The following FGGY variants were observed in gnomAD, a reference collection of about 807,000 sequenced individuals.
FGGY encodes the protein FGGY carbohydrate kinase domain-containing protein.
FGGY carries 72 observed loss-of-function variants against 71.3 expected under a neutral mutation model. The observed-to-expected ratio is 1.01, with a 90% CI of 0.84 to 1.23. FGGY has a LOEUF of 1.23. FGGY is among the 50% of genes most tolerant of loss of function. The pLI is 0.00. For synonymous variants in FGGY, 251 were observed against 250.3 expected (o/e 1.00, Z -0.02); for missense variants, 668 against 682.3 (o/e 0.98, Z 0.23).
At chr1:59,463,766 G>A (rs1437427470) in intron 6 of FGGY, among the ~76,000 whole-genome samples, 1 of 151,528 alleles carries the variant, frequency 6.6e-6, no homozygotes, top group Non-Finnish European at 1.5e-5. Context: ...AAGAGACAAA[G>A]AAGGCCATTA....
chr1:59,428,341 G>T (rs1452686978), intron 5 of FGGY, among the ~76,000 whole-genome samples: 2 of 152,152 alleles, frequency 1.3e-5, no homozygotes, highest in Admixed American at 6.5e-5. Flanking sequence ...TAAATGACTT[G>T]CCAAGGTCAC....
chr1:59,492,132 A>G (rs981035375), intron 6 of FGGY, among the ~76,000 whole-genome samples: 4 of 152,076 alleles, frequency 2.6e-5, no homozygotes, highest in Admixed American at 2.0e-4. Context: ...TCATTTATTT[A>G]TGTACTTATT....
At chr1:59,501,811 G>T (rs1192861032) in intron 6 of FGGY, among the ~76,000 whole-genome samples, 4 of 152,106 alleles carry the variant, frequency 2.6e-5, no homozygotes, top group Non-Finnish European at 4.4e-5. Context: ...TCTGCAGTTT[G>T]CTCTCATGAC....
chr1:59,750,772 A>G (rs372713841), intron 14 of FGGY, among the ~76,000 whole-genome samples: 11 of 152,222 alleles, frequency 7.2e-5, no homozygotes, highest in African/African-American at 2.6e-4. Flanking sequence ...ACATTGATAT[A>G]TTTTCTGTTT....
chr1:59,759,385 C>T (rs1250638433), intron 15 of FGGY, among the ~76,000 whole-genome samples: 7 of 152,172 alleles, frequency 4.6e-5, no homozygotes, highest in Non-Finnish European at 5.9e-5. Context: ...TCTGAGTTCC[C>T]ACTGGCAGTA....
intron 11 of FGGY, among the ~76,000 whole-genome samples, chr1:59,644,888 A>G (rs1199549054): frequency 1.3e-5 from 2 of 151,876 alleles, no homozygotes; most frequent in African/African-American, 4.8e-5. Context: ...GAGGCAGGAG[A>G]GTCGCTTGAA....
intron 14 of FGGY, among the ~76,000 whole-genome samples, chr1:59,697,020 C>T (rs1256001791): frequency 2.6e-5 from 4 of 151,962 alleles, no homozygotes; most frequent in South Asian, 4.2e-4. Context: ...TCCAGATGTA[C>T]TGCTTTCCAG....
intron 12 of FGGY, among the ~76,000 whole-genome samples, chr1:59,663,845 T>C (rs1407384087): frequency 1.3e-5 from 2 of 152,078 alleles, no homozygotes; most frequent in African/African-American, 2.4e-5. Flanking sequence ...GAAAAAAAAA[T>C]GTTGTTTCAT....
chr1:59,564,260 A>T (rs2095841169), intron 8 of FGGY, among the ~76,000 whole-genome samples: 1 of 152,218 alleles, frequency 6.6e-6, no homozygotes, highest in Admixed American at 6.5e-5. Flanking sequence ...GGCAACCTAC[A>T]AATTGGGAGA....
chr1:59,321,453 T>C, intron 1 of FGGY, 83 bp from the exon 2 acceptor site: 1 of 1,303,432 alleles, frequency 7.7e-7, no homozygotes. Flanking sequence ...GGTACCTCTT[T>C]TATTTCTACT....
At chr1:59,657,004 A>G (rs1425742201) in intron 11 of FGGY, among the ~76,000 whole-genome samples, 1 of 152,154 alleles carries the variant, frequency 6.6e-6, no homozygotes, top group Non-Finnish European at 1.5e-5. Context: ...AGGGTCCGTG[A>G]TATCTTTTTG....
At chr1:59,730,833 G>A (rs2098018019) in intron 14 of FGGY, among the ~76,000 whole-genome samples, 1 of 152,198 alleles carries the variant, frequency 6.6e-6, no homozygotes. Context: ...GTATAGTGGA[G>A]AGGGACCCAG....
chr1:59,736,846 C>A lies in FGGY; in HGVS notation c.1513-21085C>A, dbSNP rs1450976806. The stretch of plus-strand genomic sequence containing the variant: ...AAGTAACAAGGAGCCGAACGTTAAT[C>A]CCCAAGACAATGGGGAAAATGTCTC... On this transcript the variant is annotated intron_variant, in intron 14 of 15. Coordinates refer to ENST00000303721, the MANE Select transcript of FGGY (RefSeq NM_018291.5). 6.6e-5 allele frequency among the ~76,000 whole-genome samples: 10 copies of A among 152,230 alleles called. No individual in the cohort carries two copies. The East Asian group carries it at 1.9e-3, about 29-fold the overall frequency.
intron 5 of FGGY, among the ~76,000 whole-genome samples, chr1:59,425,317 T>C (rs1199331881): frequency 6.6e-6 from 1 of 152,216 alleles, no homozygotes; most frequent in Non-Finnish European, 1.5e-5. Flanking sequence ...TAGATTCCAG[T>C]ATTTTTATGG....
intron 11 of FGGY, among the ~76,000 whole-genome samples, chr1:59,654,302 A>G (rs1350603429): frequency 2.0e-5 from 3 of 152,124 alleles, no homozygotes; most frequent in Non-Finnish European, 4.4e-5. Context: ...GAGGCTTCCT[A>G]TAAATCTTTC....
intron 9 of FGGY, among the ~76,000 whole-genome samples, chr1:59,625,515 C>T (rs2096847905): frequency 6.6e-6 from 1 of 151,858 alleles, no homozygotes; most frequent in African/African-American, 2.4e-5. Context: ...TTCAAAAACC[C>T]TCATCATAGT....
intron 7 of FGGY, among the ~76,000 whole-genome samples, chr1:59,531,632 A>G (rs12741290): frequency 6.6e-6 from 1 of 152,066 alleles, no homozygotes; most frequent in African/African-American, 2.4e-5. Context: ...ATAATACACT[A>G]TGAGCATTTG....
chr1:59,637,193 G>A (rs2096968672), intron 10 of FGGY, among the ~76,000 whole-genome samples: 1 of 152,160 alleles, frequency 6.6e-6, no homozygotes, highest in East Asian at 1.9e-4. Flanking sequence ...ATTTTACCGA[G>A]CTAGGAGAGG....
At chr1:59,447,539 T>C (rs1000925060) in intron 5 of FGGY, among the ~76,000 whole-genome samples, 2 of 152,184 alleles carry the variant, frequency 1.3e-5, no homozygotes, top group African/African-American at 4.8e-5. Flanking sequence ...CCCACCCAAG[T>C]CTCACCTTGA....
Sources: allele counts gnomAD v4.1 joint callset (sites outside exome capture counted in the v4.1 genomes callset), GRCh38; gene constraint gnomAD v4.1.1; transcripts MANE v1.5; gene names NCBI Gene and HGNC (gene_info 2026-07-23, HGNC 2026-07-21).